SAMD4A: variants seen among roughly 807,000 people sequenced by gnomAD.
The protein encoded by SAMD4A is protein Smaug homolog 1.
In SAMD4A, 33 loss-of-function variants were observed where a neutral mutation model predicts 81.3. That is an observed-to-expected ratio of 0.41 (90% CI 0.31 to 0.54). The LOEUF is 0.54. Ranked by LOEUF, SAMD4A falls within the 20% of genes least tolerant of loss-of-function variation. The pLI, the probability that SAMD4A is intolerant of heterozygous loss-of-function variation, is 0.37. For synonymous variants in SAMD4A, 389 were observed against 382.1 expected (o/e 1.02, Z -0.21); for missense variants, 854 against 951.1 (o/e 0.90, Z 1.34).
intron 2 of SAMD4A, among the ~76,000 whole-genome samples, chr14:54,584,342 T>G (rs2033557765): frequency 2.0e-5 from 3 of 152,192 alleles, no homozygotes; most frequent in African/African-American, 7.2e-5. Flanking sequence ...GCTTTGCAGA[T>G]AAGACATAGC....
At chr14:54,776,774 C>T (rs896479369) in intron 11 of SAMD4A, among the ~76,000 whole-genome samples, 1 of 151,966 alleles carries the variant, frequency 6.6e-6, no homozygotes, top group Admixed American at 6.6e-5. Flanking sequence ...ATTTTTGATA[C>T]TAGTCATATT....
intron 3 of SAMD4A, among the ~76,000 whole-genome samples, chr14:54,718,633 C>G (rs1249376707): frequency 6.6e-6 from 1 of 152,076 alleles, no homozygotes; most frequent in Non-Finnish European, 1.5e-5. Flanking sequence ...GAGATGTTAA[C>G]CCTGTGAGAC....
chr14:54,639,801 A>AACACAC (rs10677522), intron 2 of SAMD4A, among the ~76,000 whole-genome samples: 4,998 of 148,910 alleles, frequency 0.034, 104 homozygotes, highest in African/African-American at 0.061. Context: ...CATTGCTTGA[A>AACACAC]ACACACACAC....
rs138689467 is a variant in SAMD4A, at chr14:54,661,037, T to C, written c.197-41025T>C. Among the ~76,000 whole-genome samples, 326 of 152,266 alleles carry C rather than the reference T, an allele frequency of 2.1e-3. 3 individuals carry two copies. Among genetic ancestry groups the C allele is most frequent in the African/African-American group, 6.9e-3 (287 of 41,564 alleles). Reference sequence around the variant, plus strand: ...CATGAATGGTGTGAACATAATAGAGTGAAAGGCACTGCGGACTTTAAGTCA... The same window carrying C: ...CATGAATGGTGTGAACATAATAGAGCGAAAGGCACTGCGGACTTTAAGTCA... On this transcript the variant is annotated intron_variant, in intron 2 of 12. Transcript: ENST00000554335.
At chr14:54,575,905 TC>T (rs1454313393) in intron 2 of SAMD4A, among the ~76,000 whole-genome samples, 1 of 151,692 alleles carries the variant, frequency 6.6e-6, no homozygotes, top group Non-Finnish European at 1.5e-5. Flanking sequence ...CCGGAGAATT[TC>T]CCCGAGCTTT....
At chr14:54,783,339 A>C (rs1315947609) in intron 11 of SAMD4A, among the ~76,000 whole-genome samples, 3 of 152,184 alleles carry the variant, frequency 2.0e-5, no homozygotes, top group East Asian at 3.8e-4. Context: ...AGGCACTTCC[A>C]GGTAGTTGAG....
chr14:54,606,484 C>T (rs1404485090), intron 2 of SAMD4A, among the ~76,000 whole-genome samples: 1 of 152,062 alleles, frequency 6.6e-6, no homozygotes, highest in Non-Finnish European at 1.5e-5. Flanking sequence ...GGAGTTTGCC[C>T]CTGCACTGTC....
chr14:54,657,289 A>G (rs1027413862), intron 2 of SAMD4A, among the ~76,000 whole-genome samples: 1 of 152,200 alleles, frequency 6.6e-6, no homozygotes, highest in African/African-American at 2.4e-5. Flanking sequence ...AATCAGCTGA[A>G]ACTTTCCTTC....
Position 54,567,823 on chromosome 14 carries a change from C to T in SAMD4A, c.-94C>T. On this transcript the variant is annotated 5_prime_UTR_variant, in exon 2 of 13. Coordinates refer to ENST00000554335, the MANE Select transcript of SAMD4A (RefSeq NM_015589.6). ...CCACCTTGGAACAGGAACGCGTCTC[C>T]GGCCGCGGGGCTGCGGCTCCGCCAA... 7.2e-6 allele frequency: 10 copies of T among 1,395,258 alleles called. No individual in the cohort carries two copies. Among genetic ancestry groups the T allele is most frequent in the Non-Finnish European group, 9.6e-6 (10 of 1,038,040 alleles). The allele number at this position is 1,395,258 out of a possible 1,614,324, so 86.4% of individuals were successfully genotyped here. A position where few individuals can be genotyped will look rare whatever the true frequency, so the allele number is the denominator to read the frequency against.
chr14:54,581,198 TA>T, intron 2 of SAMD4A, among the ~76,000 whole-genome samples: 1 of 152,364 alleles, frequency 6.6e-6, no homozygotes, highest in East Asian at 1.9e-4. Context: ...TGTGGATGTG[TA>T]AAAGTACTTT....
intron 2 of SAMD4A, among the ~76,000 whole-genome samples, chr14:54,656,106 G>A (rs1056561320): frequency 1.3e-5 from 2 of 152,058 alleles, no homozygotes; most frequent in African/African-American, 4.8e-5. Flanking sequence ...TTTTGTGGTG[G>A]ACGTGGAAAA....
At chr14:54,618,066 A>G (rs1309757821) in intron 2 of SAMD4A, among the ~76,000 whole-genome samples, 4 of 152,242 alleles carry the variant, frequency 2.6e-5, no homozygotes, top group African/African-American at 9.6e-5. Context: ...GCCCAAAATT[A>G]TCAATATTTT....
intron 6 of SAMD4A, among the ~76,000 whole-genome samples, chr14:54,758,019 G>A (rs1357148972): frequency 6.6e-6 from 1 of 152,210 alleles, no homozygotes; most frequent in Non-Finnish European, 1.5e-5. Context: ...GGGCAGCAGG[G>A]AAGGAGTGAT....
intron 5 of SAMD4A, among the ~76,000 whole-genome samples, chr14:54,749,716 T>A (rs1438238618): frequency 2.6e-5 from 4 of 152,236 alleles, no homozygotes; most frequent in Non-Finnish European, 4.4e-5. Context: ...ATCTGACCAA[T>A]GTCTTTGTTT....
intron 2 of SAMD4A, among the ~76,000 whole-genome samples, chr14:54,650,681 A>T (rs1012165865): frequency 7.2e-5 from 11 of 152,336 alleles, no homozygotes; most frequent in Middle Eastern, 3.4e-3. Flanking sequence ...GTGATAGTGC[A>T]AATGACTCCA....
rs146070138 is a variant in SAMD4A, at chr14:54,680,829, T to C, written c.197-21233T>C. Among the ~76,000 whole-genome samples, 13 of 152,290 alleles carry C rather than the reference T, an allele frequency of 8.5e-5. No homozygotes were observed. The East Asian group carries it at 2.5e-3, about 29-fold the overall frequency. ...TGTTATTGTTAGATAATCATAATGG[T>C]ATGTTCTGGAGTCTCTTCTCCCCTC... On this transcript the variant is annotated intron_variant, in intron 2 of 12. Coordinates refer to ENST00000554335, the MANE Select transcript of SAMD4A (RefSeq NM_015589.6).
intron 2 of SAMD4A, among the ~76,000 whole-genome samples, chr14:54,667,274 C>T (rs2035777371): frequency 1.3e-5 from 2 of 152,168 alleles, no homozygotes; most frequent in African/African-American, 2.4e-5. Flanking sequence ...CTGCAAGTGA[C>T]CTCAGCTCAA....
intron 2 of SAMD4A, among the ~76,000 whole-genome samples, chr14:54,656,728 C>T (rs866822809): frequency 6.6e-5 from 10 of 152,170 alleles, no homozygotes; most frequent in Admixed American, 2.0e-4. Context: ...CCTGGGTTTA[C>T]GCCATTCTCC....
chr14:54,632,784 T>C (rs1164162810), intron 2 of SAMD4A, among the ~76,000 whole-genome samples: 2 of 152,226 alleles, frequency 1.3e-5, no homozygotes, highest in African/African-American at 4.8e-5. Flanking sequence ...TTAAGCTCAC[T>C]CTGTTTTAAC....
Sources: gnomAD v4.1 joint callset for allele counts (sites outside exome capture counted in the v4.1 genomes callset) on GRCh38, gnomAD v4.1.1 for gene constraint, MANE v1.5 for transcripts, NCBI Gene and HGNC (gene_info 2026-07-23, HGNC 2026-07-21) for gene names.